Variants in PTPRD observed in about 807,000 individuals in gnomAD.
PTPRD encodes protein tyrosine phosphatase receptor type D, also known as receptor-type tyrosine-protein phosphatase delta.
PTPRD carries 34 observed loss-of-function variants against 214.5 expected under a neutral mutation model. The observed-to-expected ratio is 0.16, with a 90% confidence interval of 0.12 to 0.21. The LOEUF is 0.21. Among genes scored for constraint, PTPRD ranks in the 10% least tolerant of loss-of-function variants. PTPRD has a pLI of 1.00. For synonymous variants in PTPRD, 1,128 were observed against 845.7 expected (o/e 1.33, Z -5.79); for missense variants, 2,545 against 2,398.7 (o/e 1.06, Z -1.27).
chr9:8,641,492 G>A (rs1436198177), intron 12 of PTPRD, among the ~76,000 whole-genome samples: 3 of 148,424 alleles, frequency 2.0e-5, no homozygotes, highest in Non-Finnish European at 2.9e-5. Context: ...CAAGTGAGGA[G>A]TATGATCTTT....
At chr9:9,067,736 A>C (rs548834629) in intron 10 of PTPRD, among the ~76,000 whole-genome samples, 1 of 152,336 alleles carries the variant, frequency 6.6e-6, no homozygotes, top group South Asian at 2.1e-4. Context: ...CAGTGGTAAC[A>C]TCTTACAAAC....
At chr9:8,971,857 C>T (rs1458865290) in intron 11 of PTPRD, among the ~76,000 whole-genome samples, 3 of 151,472 alleles carry the variant, frequency 2.0e-5, no homozygotes, top group African/African-American at 7.3e-5. Flanking sequence ...AAGAATAAGC[C>T]ATTTCTAAAA....
intron 10 of PTPRD, among the ~76,000 whole-genome samples, chr9:9,120,888 A>T (rs1468705154): frequency 6.6e-6 from 1 of 152,206 alleles, no homozygotes; most frequent in African/African-American, 2.4e-5. Flanking sequence ...TCCTTGCTTG[A>T]ATCTAAAATG....
chr9:8,681,043 C>G (rs955664546), intron 12 of PTPRD, among the ~76,000 whole-genome samples: 9 of 152,154 alleles, frequency 5.9e-5, no homozygotes, highest in African/African-American at 1.9e-4. Context: ...TTCCTCCTCT[C>G]CCTTCCTTCA....
chr9:9,594,320 T>A (rs1270691992), intron 7 of PTPRD, among the ~76,000 whole-genome samples: 1 of 152,066 alleles, frequency 6.6e-6, no homozygotes. Flanking sequence ...CATTTGCTTT[T>A]GGGTTCTTGG....
At chr9:8,993,227 C>G (rs2099384506) in intron 11 of PTPRD, among the ~76,000 whole-genome samples, 1 of 152,122 alleles carries the variant, frequency 6.6e-6, no homozygotes, top group African/African-American at 2.4e-5. Context: ...AACCATTGTC[C>G]TCTGTTTACA....
chr9:9,658,766 T>C (rs1157499997), intron 7 of PTPRD, among the ~76,000 whole-genome samples: 2 of 152,280 alleles, frequency 1.3e-5, no homozygotes, highest in East Asian at 1.9e-4. Flanking sequence ...GAAATCTTTA[T>C]TGAGATCTTA....
chr9:9,435,714 ATATT>A (rs1247811157), intron 8 of PTPRD, among the ~76,000 whole-genome samples: 5 of 152,184 alleles, frequency 3.3e-5, no homozygotes, highest in African/African-American at 7.2e-5. Context: ...TAATAATTGA[ATATT>A]AATTAATATT....
intron 11 of PTPRD, among the ~76,000 whole-genome samples, chr9:8,913,029 A>T (rs1182845744): frequency 6.6e-6 from 1 of 152,130 alleles, no homozygotes; most frequent in Non-Finnish European, 1.5e-5. Context: ...CTTAAGCTTA[A>T]CGATTTATGA....
rs2098211638 is a variant in PTPRD at position 8,706,448 on chromosome 9, T to C, written c.64+27332A>G. Among the ~76,000 whole-genome samples, 3 of 152,200 alleles carry C rather than the reference T, an allele frequency of 2.0e-5. No individual in the cohort carries two copies. In the South Asian group the frequency reaches 6.2e-4, roughly 31 times the overall value. On this transcript the variant is annotated intron_variant, in intron 12 of 45. Transcript: ENST00000381196. Reference sequence around the variant, plus strand: ...TCACATTTCAGCAGCTAAAGACAAGTGTTCATGGTTTTGCCAATTCAATTC... The same window carrying C: ...TCACATTTCAGCAGCTAAAGACAAGCGTTCATGGTTTTGCCAATTCAATTC...
intron 35 of PTPRD, among the ~76,000 whole-genome samples, chr9:8,417,546 A>T (rs574163551): frequency 6.6e-6 from 1 of 152,310 alleles, no homozygotes; most frequent in African/African-American, 2.4e-5. Flanking sequence ...GTAGAATCTG[A>T]AAGCTTCTGA....
intron 42 of PTPRD, among the ~76,000 whole-genome samples, chr9:8,340,080 C>T (rs186107558): frequency 8.5e-5 from 13 of 152,188 alleles, no homozygotes; most frequent in African/African-American, 2.9e-4. Context: ...ATAAGTCAAA[C>T]GGGGACACCT....
intron 30 of PTPRD, among the ~76,000 whole-genome samples, chr9:8,475,224 C>T (rs1283473374): frequency 6.6e-6 from 1 of 152,166 alleles, no homozygotes; most frequent in African/African-American, 2.4e-5. Context: ...CAGGGCATTA[C>T]ATCAAAAGGG....
chr9:9,371,099 C>T (rs1365450756), intron 9 of PTPRD, among the ~76,000 whole-genome samples: 1 of 151,940 alleles, frequency 6.6e-6, no homozygotes, highest in East Asian at 1.9e-4. Flanking sequence ...CTCTGCCAGC[C>T]TTTGGTATCA....
chr9:8,677,897 CA>C (rs1043338988), intron 12 of PTPRD, among the ~76,000 whole-genome samples: 7 of 152,096 alleles, frequency 4.6e-5, no homozygotes, highest in African/African-American at 1.7e-4. Context: ...GGGAAAGCAG[CA>C]GCAGTTATTT....
intron 14 of PTPRD, among the ~76,000 whole-genome samples, chr9:8,628,999 G>C (rs1406179969): frequency 6.6e-6 from 1 of 151,704 alleles, no homozygotes; most frequent in African/African-American, 2.4e-5. Context: ...GTGGTGGTTT[G>C]GGGCAGTGCT....
chr9:8,825,850 G>A (rs2097164688), intron 11 of PTPRD, among the ~76,000 whole-genome samples: 1 of 152,182 alleles, frequency 6.6e-6, no homozygotes, highest in Non-Finnish European at 1.5e-5. Context: ...CATGGCGCCA[G>A]TGAGAGTGTA....
intron 10 of PTPRD, among the ~76,000 whole-genome samples, chr9:9,153,287 C>T (rs2099878405): frequency 6.6e-6 from 1 of 152,100 alleles, no homozygotes; most frequent in Admixed American, 6.6e-5. Flanking sequence ...TAGACTGACT[C>T]TTTAGTTTTT....
intron 8 of PTPRD, among the ~76,000 whole-genome samples, chr9:9,505,975 A>C (rs1381412900): frequency 6.6e-6 from 1 of 151,408 alleles, no homozygotes; most frequent in African/African-American, 2.4e-5. Flanking sequence ...ATAATTTGAG[A>C]GTAGATAATC....
Sources: gnomAD v4.1 joint callset for allele counts (sites outside exome capture counted in the v4.1 genomes callset) on GRCh38, gnomAD v4.1.1 for gene constraint, MANE v1.5 for transcripts, NCBI Gene and HGNC (gene_info 2026-07-23, HGNC 2026-07-21) for gene names.